Variants in SORCS1 observed in about 807,000 individuals in gnomAD.
SORCS1 encodes sortilin related VPS10 domain containing receptor 1.
In SORCS1, 60 loss-of-function variants were observed where a neutral mutation model predicts 146.1. The observed-to-expected ratio is 0.41, with a 90% CI of 0.33 to 0.51. SORCS1 has a LOEUF of 0.51. SORCS1 is among the 20% of genes least tolerant of loss of function. The pLI, the probability that SORCS1 is intolerant of heterozygous loss-of-function variation, is 0.21. For synonymous variants in SORCS1, 637 were observed against 584.0 expected, an observed-to-expected ratio of 1.09 and a Z score of -1.31; for missense variants, 1,352 against 1,487.6, an observed-to-expected ratio of 0.91 and a Z score of 1.50.
chr10:106,652,123 T>C (rs915604905), intron 18 of SORCS1, among the ~76,000 whole-genome samples: 2 of 152,196 alleles, frequency 1.3e-5, no homozygotes, highest in African/African-American at 2.4e-5. Flanking sequence ...AAGGCAAGAT[T>C]AAATCCAACA....
At chr10:107,163,885 C>A in intron 1 of SORCS1, 84 bp downstream of exon 1, 3 of 1,443,026 alleles carry the variant, frequency 2.1e-6, no homozygotes, top group Non-Finnish European at 2.8e-6. Context: ...ACCCTATTTC[C>A]CCCCAATTCT....
intron 3 of SORCS1, among the ~76,000 whole-genome samples, chr10:106,816,338 T>C (rs1309303453): frequency 6.6e-6 from 1 of 152,208 alleles, no homozygotes; most frequent in Non-Finnish European, 1.5e-5. Flanking sequence ...TAAATTTGAT[T>C]ATAGGAAGAA....
At chr10:106,585,259 G>A (rs1057028106) in intron 24 of SORCS1, among the ~76,000 whole-genome samples, 2 of 151,768 alleles carry the variant, frequency 1.3e-5, no homozygotes, top group South Asian at 4.2e-4. Flanking sequence ...TTGAGAGTAG[G>A]TCTCCAAAAT....
intron 3 of SORCS1, among the ~76,000 whole-genome samples, chr10:106,802,031 C>T (rs1180359990): frequency 2.0e-5 from 3 of 152,204 alleles, no homozygotes; most frequent in Non-Finnish European, 4.4e-5. Context: ...TCTCAAAGTT[C>T]ACGCCATTTG....
chr10:106,603,136 C>A (rs546990694), intron 23 of SORCS1, among the ~76,000 whole-genome samples: 1 of 152,264 alleles, frequency 6.6e-6, no homozygotes, highest in East Asian at 1.9e-4. Flanking sequence ...CAAACAATCA[C>A]GATAGAGCAT....
At position 106,801,731 on chromosome 10, in the gene SORCS1, T is replaced by C. The variant is rs185653403; in HGVS notation, c.727-25039A>G. Among the ~76,000 whole-genome samples, 1,105 of 152,172 alleles carry C rather than the reference T, an allele frequency of 7.3e-3. 9 individuals are homozygous for C. Among genetic ancestry groups the C allele is most frequent in the South Asian group, 0.024 (116 of 4,822 alleles). On this transcript the variant is annotated intron_variant, in intron 3 of 25. Coordinates refer to ENST00000263054, the MANE Select transcript of SORCS1 (RefSeq NM_052918.5). ...ATTTTTACTAGAGATGTGGTTTCAC[T>C]GTGTTAGCCAGGACGGTCTCGATCT... is the stretch of plus-strand genomic sequence containing the variant.
intron 3 of SORCS1, among the ~76,000 whole-genome samples, chr10:106,796,256 T>C (rs894858914): frequency 1.3e-5 from 2 of 152,158 alleles, no homozygotes; most frequent in African/African-American, 2.4e-5. Flanking sequence ...AGTTCAGATT[T>C]TCTAAAATCA....
chr10:106,657,757 T>C (rs1271207359), intron 17 of SORCS1, among the ~76,000 whole-genome samples: 4 of 151,494 alleles, frequency 2.6e-5, no homozygotes, highest in Middle Eastern at 3.2e-3. Context: ...TAGAACCAAA[T>C]TGTCGGAGTT....
In SORCS1 at chr10:106,794,775, T is replaced by A. The variant is rs368735947; in HGVS notation, c.727-18083A>T. Among the ~76,000 whole-genome samples the A allele has an allele frequency of 5.9e-5, 9 of 152,288 alleles. No homozygotes were observed. In the East Asian group the frequency reaches 1.7e-3, roughly 29 times the overall value. ...ACCTCGGCCTCCCAAAGTGCTGGGA[T>A]TACAGGCGTGAGCCACCACACCGGG... On this transcript the variant is annotated intron_variant, in intron 3 of 25. Transcript: ENST00000263054.
chr10:106,989,688 T>TTTTTTTG (rs1956679481), intron 1 of SORCS1, among the ~76,000 whole-genome samples: 2 of 130,514 alleles, frequency 1.5e-5, no homozygotes, highest in South Asian at 2.3e-4. Context: ...TTGTTTTTTT[T>TTTTTTTG]TTTTTTTTTT....
At chr10:106,875,366 G>T (rs1342091280) in intron 2 of SORCS1, among the ~76,000 whole-genome samples, 1 of 152,184 alleles carries the variant, frequency 6.6e-6, no homozygotes, top group Non-Finnish European at 1.5e-5. Flanking sequence ...TCGTTGGTCA[G>T]TGGGCACTTA....
chr10:106,741,717 A>T (rs1857379152), intron 5 of SORCS1, among the ~76,000 whole-genome samples: 1 of 152,204 alleles, frequency 6.6e-6, no homozygotes, highest in African/African-American at 2.4e-5. Context: ...GAGCCTAGAC[A>T]TATATGAGGG....
chr10:107,018,387 C>T (rs865989958), intron 1 of SORCS1, among the ~76,000 whole-genome samples: 33 of 151,474 alleles, frequency 2.2e-4, no homozygotes, highest in Middle Eastern at 3.4e-3. Context: ...GGGGTTTCAC[C>T]GTGTTAGCCA....
At chr10:106,606,722 T>C (rs1243040066) in intron 23 of SORCS1, among the ~76,000 whole-genome samples, 2 of 152,156 alleles carry the variant, frequency 1.3e-5, no homozygotes, top group Non-Finnish European at 2.9e-5. Flanking sequence ...AATCCCCACT[T>C]GCCATGGGAA....
chr10:107,011,168 T>C (rs540827816), intron 1 of SORCS1, among the ~76,000 whole-genome samples: 1 of 152,228 alleles, frequency 6.6e-6, no homozygotes, highest in Non-Finnish European at 1.5e-5. Flanking sequence ...TCTTAACTTT[T>C]TGGCTGTGGA....
chr10:106,592,376 A>G (rs1204706661), intron 24 of SORCS1, among the ~76,000 whole-genome samples: 1 of 152,222 alleles, frequency 6.6e-6, no homozygotes, highest in Non-Finnish European at 1.5e-5. Context: ...ACATTCAGGT[A>G]TCTGCAAATG....
At chr10:107,089,166 TA>T (rs1207125018) in intron 1 of SORCS1, among the ~76,000 whole-genome samples, 2 of 152,312 alleles carry the variant, frequency 1.3e-5, no homozygotes, top group East Asian at 1.9e-4. Flanking sequence ...ACAAACCTTT[TA>T]TTTTTTTTAG....
chr10:106,947,364 C>T lies in SORCS1; in HGVS notation c.626+9149G>A, dbSNP rs140662929. ...AGGATATGTTTACAGATATGTTTAT[C>T]GGAGCACTGTGTGTAGTAACAACTC... is the stretch of plus-strand genomic sequence containing the variant. On this transcript the variant is annotated intron_variant, in intron 2 of 25. Transcript: ENST00000263054. 4.9e-4 allele frequency among the ~76,000 whole-genome samples: 75 copies of T among 152,240 alleles called. 2 individuals are homozygous for T. The highest frequency in any genetic ancestry group is 4.4e-3 in the East Asian group (23 of 5,180).
chr10:106,629,484 G>A (rs1235210016), intron 18 of SORCS1, 96 bp from the exon 19 acceptor site: 4 of 1,282,572 alleles, frequency 3.1e-6, no homozygotes, highest in Non-Finnish European at 1.1e-6. Context: ...CCCTGGCTCA[G>A]GCATGATGGC....
Sources: allele counts gnomAD v4.1 joint callset (sites outside exome capture counted in the v4.1 genomes callset), GRCh38; gene constraint gnomAD v4.1.1; transcripts MANE v1.5; gene names NCBI Gene and HGNC (gene_info 2026-07-23, HGNC 2026-07-21).